CNTNAP5: variants seen among roughly 807,000 people sequenced by gnomAD.
CNTNAP5 encodes contactin-associated protein-like 5.
CNTNAP5 carries 72 observed loss-of-function variants against 150.2 expected under a neutral mutation model. The ratio of observed to expected loss-of-function variants is 0.48; its 90% CI spans 0.40 to 0.58. The LOEUF is 0.58. Among genes scored for constraint, CNTNAP5 ranks in the 20% least tolerant of loss-of-function variants. The pLI is 0.00. For synonymous variants in CNTNAP5, 672 were observed against 619.8 expected, an observed-to-expected ratio of 1.08 and a Z score of -1.25; for missense variants, 1,636 against 1,626.2, an observed-to-expected ratio of 1.01 and a Z score of -0.10.
At chr2:124,692,646 A>T (rs1313848536) in intron 13 of CNTNAP5, among the ~76,000 whole-genome samples, 2 of 152,150 alleles carry the variant, frequency 1.3e-5, no homozygotes, top group Non-Finnish European at 2.9e-5. Flanking sequence ...ACAAACAGAA[A>T]TCGATCTCTT....
At chr2:124,222,804 G>A (rs1253472088) in intron 2 of CNTNAP5, among the ~76,000 whole-genome samples, 1 of 151,074 alleles carries the variant, frequency 6.6e-6, no homozygotes, top group African/African-American at 2.4e-5. Context: ...CATTATTAGT[G>A]AGATTGATTT....
chr2:124,685,430 G>T (rs562618671), intron 13 of CNTNAP5, among the ~76,000 whole-genome samples: 1 of 147,564 alleles, frequency 6.8e-6, no homozygotes, highest in African/African-American at 2.6e-5. Context: ...TAAGGCAGCT[G>T]ATAAAATATT....
In CNTNAP5 at chr2:124,907,345, G is replaced by A. The variant is rs369072330; in HGVS notation, c.3656-4122G>A. ...AAGTGTAGAAGTCCAACATATTTCA[G>A]TAATGAGGAGTTCTTATGGAATGTT... On this transcript the variant is annotated intron_variant, in intron 22 of 23. Coordinates refer to ENST00000682447, the MANE Select transcript of CNTNAP5 (RefSeq NM_001367498.1). 2.5e-3 allele frequency among the ~76,000 whole-genome samples: 385 copies of A among 151,972 alleles called. 2 individuals are homozygous for A. Among genetic ancestry groups the A allele is most frequent in the African/African-American group, 8.8e-3 (366 of 41,504 alleles).
At chr2:124,080,648 A>C (rs900749319) in intron 1 of CNTNAP5, among the ~76,000 whole-genome samples, 14 of 152,220 alleles carry the variant, frequency 9.2e-5, no homozygotes, top group Admixed American at 7.2e-4. Context: ...AATCCATTCT[A>C]TAAAAAATGC....
intron 8 of CNTNAP5, among the ~76,000 whole-genome samples, chr2:124,519,832 T>C (rs1036225523): frequency 9.2e-5 from 14 of 152,200 alleles, no homozygotes; most frequent in African/African-American, 3.1e-4. Flanking sequence ...ATTTGATTCC[T>C]AGGAAAGCGC....
At position 124,146,531 on chromosome 2, in the gene CNTNAP5, T is replaced by C. The variant is rs539197216; in HGVS notation, c.83-75174T>C. Among the ~76,000 whole-genome samples the C allele has an allele frequency of 1.2e-4, 18 of 152,150 alleles. 1 individual carries two copies. The highest frequency in any genetic ancestry group is 1.2e-3 in the Admixed American group (18 of 15,278). Reference sequence around the variant, plus strand: ...CATCTCAGAATTATGAAAGTAAACATTTGAAAATGAACCAGTTCTTCAACA... The same window carrying C: ...CATCTCAGAATTATGAAAGTAAACACTTGAAAATGAACCAGTTCTTCAACA... On this transcript the variant is annotated intron_variant, in intron 1 of 23. Transcript: ENST00000682447.
At chr2:124,776,098 C>G (rs1381465647) in intron 17 of CNTNAP5, among the ~76,000 whole-genome samples, 1 of 152,172 alleles carries the variant, frequency 6.6e-6, no homozygotes, top group Non-Finnish European at 1.5e-5. Context: ...TTAGGAACGA[C>G]TGTCACACCT....
intron 17 of CNTNAP5, among the ~76,000 whole-genome samples, chr2:124,786,507 A>AAG (rs1681597387): frequency 2.3e-5 from 3 of 132,046 alleles, no homozygotes; most frequent in African/African-American, 6.5e-5. Context: ...GAGGGAAAGA[A>AAG]AAAGAAAGAA....
At chr2:124,198,750 AT>A (rs1263274204) in intron 1 of CNTNAP5, among the ~76,000 whole-genome samples, 2 of 151,182 alleles carry the variant, frequency 1.3e-5, no homozygotes, top group African/African-American at 2.4e-5. Context: ...TGTCTTACAT[AT>A]TTTTTAGGTT....
chr2:124,788,428 T>A (rs76378754), intron 17 of CNTNAP5, among the ~76,000 whole-genome samples: 12,137 of 152,262 alleles, frequency 0.08, 629 homozygotes, highest in East Asian at 0.15. Context: ...TAAATCATAA[T>A]GTAATAATAA....
chr2:124,365,564 G>T (rs377279351), intron 3 of CNTNAP5, among the ~76,000 whole-genome samples: 1 of 152,174 alleles, frequency 6.6e-6, no homozygotes, highest in Non-Finnish European at 1.5e-5. Context: ...AGTTGGCCCT[G>T]CATGTCCCTT....
chr2:124,491,827 A>G (rs1694036688), intron 7 of CNTNAP5, among the ~76,000 whole-genome samples: 1 of 150,984 alleles, frequency 6.6e-6, no homozygotes, highest in Non-Finnish European at 1.5e-5. Flanking sequence ...TTCAACTTGC[A>G]TTGTGGTTTG....
At chr2:124,095,067 T>C (rs1208039372) in intron 1 of CNTNAP5, among the ~76,000 whole-genome samples, 1 of 152,028 alleles carries the variant, frequency 6.6e-6, no homozygotes, top group Non-Finnish European at 1.5e-5. Context: ...GCAGCACTAG[T>C]ACAATAGCAA....
chr2:124,562,470 T>C (rs771447771), intron 10 of CNTNAP5, among the ~76,000 whole-genome samples: 48 of 152,208 alleles, frequency 3.2e-4, no homozygotes, highest in Admixed American at 9.8e-4. Flanking sequence ...CCATTATGAA[T>C]GGCATCATTG....
intron 1 of CNTNAP5, among the ~76,000 whole-genome samples, chr2:124,185,818 C>T (rs560806709): frequency 6.6e-6 from 1 of 152,232 alleles, no homozygotes; most frequent in African/African-American, 2.4e-5. Flanking sequence ...TCTTTGCTTC[C>T]CAGGGAGGGG....
chr2:124,260,745 TA>T (rs1687432384), intron 3 of CNTNAP5, among the ~76,000 whole-genome samples: 1 of 152,210 alleles, frequency 6.6e-6, no homozygotes, highest in Non-Finnish European at 1.5e-5. Context: ...TTTTTAGCTT[TA>T]AAAGGAAACA....
chr2:124,856,647 T>C (rs13414179), intron 19 of CNTNAP5, among the ~76,000 whole-genome samples: 16,836 of 152,118 alleles, frequency 0.11, 2,953 homozygotes, highest in African/African-American at 0.37. Context: ...CGTCATCCCC[T>C]TGTCATGTGT....
chr2:124,882,026 A>T (rs899755661), intron 21 of CNTNAP5, among the ~76,000 whole-genome samples: 2 of 151,916 alleles, frequency 1.3e-5, no homozygotes, highest in African/African-American at 4.8e-5. Context: ...ATTCCCAGGG[A>T]TGTGGGATTA....
chr2:124,377,821 A>G (rs1307859681), intron 3 of CNTNAP5, among the ~76,000 whole-genome samples: 1 of 152,108 alleles, frequency 6.6e-6, no homozygotes, highest in South Asian at 2.1e-4. Flanking sequence ...TTTCAAAAAA[A>G]TTCTAGGAAA....
Sources: gnomAD v4.1 joint callset for allele counts (sites outside exome capture counted in the v4.1 genomes callset) on GRCh38, gnomAD v4.1.1 for gene constraint, MANE v1.5 for transcripts, NCBI Gene and HGNC (gene_info 2026-07-23, HGNC 2026-07-21) for gene names.